S100A1: variants seen among roughly 807,000 people sequenced by gnomAD.
S100A1 encodes S100 calcium binding protein A1, also known as protein S100-A1.
Under a neutral mutation model 7.6 loss-of-function variants are expected in S100A1, and 3 were observed. The observed-to-expected ratio is 0.40, with a 90% confidence interval of 0.18 to 1.02. S100A1 has a LOEUF of 1.02. S100A1 is among the 50% of genes least tolerant of loss of function. S100A1 has a pLI of 0.35. For missense variants in S100A1, 126 were observed against 115.0 expected, an observed-to-expected ratio of 1.10 and a Z score of -0.44; for synonymous variants, 49 against 49.0, an observed-to-expected ratio of 1.00 and a Z score of 0.00.
chr1:153,630,866 A>C (rs1667973070), intron 2 of S100A1: 2 of 605,800 alleles, frequency 3.3e-6, no homozygotes, highest in East Asian at 2.8e-5. Context: ...TCACCTGTTA[A>C]GTGTTAGGCC....
chr1:153,629,687 T>C (rs184874223), intron 1 of S100A1: 1 of 152,448 alleles, frequency 6.6e-6, no homozygotes, highest in East Asian at 1.9e-4. Flanking sequence ...TATCCCCGAA[T>C]CAACCAGGAG....
Position 153,631,797 on chromosome 1 carries a change from G to C in S100A1, c.241G>C (p.Ala81Pro). The C allele has an allele frequency of 6.2e-7, 1 of 1,614,164 alleles. No homozygotes were observed. The change falls in exon 3 of 3, where the codon GCT becomes CCT. Residue 81 changes from alanine to proline, a missense_variant. Physicochemically the swap from Ala to Pro is conservative, Grantham distance 27. Transcript: ENST00000292169. ...DFQEYVVLVA[A>P]LTVACNNFFW... ...CCAGGAGTATGTGGTGCTTGTGGCT[G>C]CTCTCACAGTGGCCTGTAACAATTT...
At chr1:153,630,432 C>T in intron 1 of S100A1, 77 bp from the exon 2 acceptor site, 3 of 1,540,196 alleles carry the variant, frequency 1.9e-6, no homozygotes, top group Non-Finnish European at 2.6e-6. Context: ...CAGGGCCAGT[C>T]CTGAGGGTTC....
At chr1:153,630,966 G>A in intron 2 of S100A1, 1 of 430,982 alleles carries the variant, frequency 2.3e-6, no homozygotes, top group Non-Finnish European at 4.1e-6. Context: ...GAAATACACA[G>A]AGCCTTAACA....
rs1668011774 is a variant in S100A1 at position 153,631,584 on chromosome 1, C to T, written c.142-114C>T. On this transcript the variant is annotated intron_variant, in intron 2 of 2. Transcript: ENST00000292169. ...GGAGGCCTAGAAGAGTCCCATAATT[C>T]AATGCAGTTCCTCTCGCTCATCTTT... 2.5e-6 allele frequency: 4 copies of T among 1,613,836 alleles called. No individual in the cohort carries two copies. The African/African-American group carries it at 4.0e-5, about 16-fold the overall frequency.
At chr1:153,631,528 T>C in intron 2 of S100A1, 170 bp from the exon 3 acceptor site, 1 of 1,613,764 alleles carries the variant, frequency 6.2e-7, no homozygotes, top group East Asian at 2.2e-5. Context: ...GAGCTTATGC[T>C]GTAGGCAACA....
intron 1 of S100A1, chr1:153,628,785 G>A (rs976681283): frequency 1.1e-5 from 5 of 458,800 alleles, no homozygotes; most frequent in Non-Finnish European, 1.5e-5. Context: ...CCCACAGGGA[G>A]CCCTCAAGTC....
At position 153,630,595 on chromosome 1, in the gene S100A1, A is replaced by T. The variant is rs1398946255; in HGVS notation, c.74A>T (p.Asp25Val). 6.2e-7 allele frequency: 1 copy of T among 1,614,244 alleles called. No individual in the cohort carries two copies. Among genetic ancestry groups the T allele is most frequent in the African/African-American group, 1.3e-5 (1 of 75,074 alleles). Residue 25 changes from aspartate (D) to valine (V), a missense_variant, in exon 2 of 3, where the codon GAC (aspartate) becomes GTC (valine). Asp to Val is a radical substitution (Grantham distance 152). Transcript: ENST00000292169. ...CACGCCCACTCGGGCAAAGAGGGGGACAAGTACAAGCTGAGCAAGAAGGAG... is the reference window on the plus strand; with the variant it reads ...CACGCCCACTCGGGCAAAGAGGGGGTCAAGTACAAGCTGAGCAAGAAGGAG... ...VFHAHSGKEG[D>V]KYKLSKKELK...
In S100A1 at chr1:153,631,812, TG is replaced by T; in HGVS notation, c.257del (p.Cys86LeufsTer?). ...GCTTGTGGCTGCTCTCACAGTGGCCTGTAACAATTTCTTCTGGGAGAACAGT... is the reference window on the plus strand; with the variant it reads ...GCTTGTGGCTGCTCTCACAGTGGCCTTAACAATTTCTTCTGGGAGAACAGT... ...VVLVAALTVACNNFFWENS is the reference protein window; with the variant it reads ...VVLVAALTVAXNNFFWENS On this transcript the variant is annotated frameshift_variant, in exon 3 of 3. Transcript: ENST00000292169. LOFTEE classifies it high-confidence loss of function. 1 of 1,614,170 alleles carries T rather than the reference TG, an allele frequency of 6.2e-7. No homozygotes were observed. The highest frequency in any genetic ancestry group is 1.1e-5 in the South Asian group (1 of 91,084).
At chr1:153,630,350 TCA>T in intron 1 of S100A1, 157 bp from the exon 2 acceptor site, 1 of 924,598 alleles carries the variant, frequency 1.1e-6, no homozygotes, top group East Asian at 2.7e-5. Flanking sequence ...GGGGTTTCCC[TCA>T]CATTGTAAAA....
chr1:153,631,148 G>A (rs1435270909), intron 2 of S100A1: 2 of 331,162 alleles, frequency 6.0e-6, no homozygotes, highest in East Asian at 1.2e-4. Flanking sequence ...GAAGAATGTG[G>A]AGCATGTCAG....
intron 2 of S100A1, 56 bp downstream of exon 2, chr1:153,630,718 T>A (rs1571302085): frequency 6.3e-7 from 1 of 1,593,542 alleles, no homozygotes; most frequent in Non-Finnish European, 8.6e-7. Flanking sequence ...GGGAATGGGG[T>A]GGACACCCCC....
At chr1:153,628,719 A>T in intron 1 of S100A1, 1 of 776,390 alleles carries the variant, frequency 1.3e-6, no homozygotes, top group Non-Finnish European at 1.9e-6. Flanking sequence ...CTGGCAGCTC[A>T]GCAAAGGAGG....
At chr1:153,630,148 C>G (rs1667922845) in intron 1 of S100A1, 1 of 376,524 alleles carries the variant, frequency 2.7e-6, no homozygotes, top group Non-Finnish European at 4.7e-6. Context: ...GGAAGCATGG[C>G]CCAGTCCTGT....
At position 153,630,869 on chromosome 1, in the gene S100A1, G is replaced by A. The variant is rs1408357870; in HGVS notation, c.141+207G>A. ...CTGGTTTATTGATCACCTGTTAAGT[G>A]TTAGGCCCTGTGTAGATTCATCAAT... On this transcript the variant is annotated intron_variant, in intron 2 of 2. Coordinates refer to ENST00000292169, the MANE Select transcript of S100A1 (RefSeq NM_006271.2). The A allele has an allele frequency of 6.7e-6, 4 of 597,212 alleles. No homozygotes were observed. The Admixed American group carries it at 9.1e-5, about 14-fold the overall frequency. The allele number at this position is 597,212 out of a possible 1,614,324, so 37.0% of individuals were successfully genotyped here.
chr1:153,628,862 T>C, intron 1 of S100A1: 1 of 263,278 alleles, frequency 3.8e-6, no homozygotes, highest in Non-Finnish European at 7.4e-6. Context: ...CCTCGCCTCC[T>C]GTGGGGTAAG....
In S100A1 at chr1:153,628,492, C is replaced by T. The variant is rs768917725; in HGVS notation, c.-18C>T. ...ACCTGCTCCCACCTCAGGCCCAGGC[C>T]AACCGTGAGTACCCTGCCCCACTGG... On this transcript the variant is annotated 5_prime_UTR_variant, in exon 1 of 3. Transcript: ENST00000292169. 1.3e-6 allele frequency: 2 copies of T among 1,550,748 alleles called. No individual in the cohort carries two copies. Among genetic ancestry groups the T allele is most frequent in the African/African-American group, 1.4e-5 (1 of 73,190 alleles).
chr1:153,631,325 G>C, intron 2 of S100A1: 1 of 826,302 alleles, frequency 1.2e-6, no homozygotes, highest in South Asian at 1.8e-5. Context: ...GTGGGACTTT[G>C]GGCATATTTA....
intron 2 of S100A1, chr1:153,630,914 G>C (rs1335958961): frequency 2.0e-6 from 1 of 502,446 alleles, no homozygotes; most frequent in African/African-American, 1.9e-5. Context: ...CACAGACTTA[G>C]AAGGGAAAGA....
Sources: gnomAD v4.1 joint callset for allele counts on GRCh38, gnomAD v4.1.1 for gene constraint, MANE v1.5 for transcripts, NCBI Gene and HGNC (gene_info 2026-07-23, HGNC 2026-07-21) for gene names.